The following LRP1B variants were observed in gnomAD, a reference collection of about 807,000 sequenced individuals.
LRP1B encodes low-density lipoprotein receptor-related protein 1B.
Under a neutral mutation model 556.6 loss-of-function variants are expected in LRP1B, and 217 were observed. The observed-to-expected ratio is 0.39, with a 90% confidence interval of 0.35 to 0.44. The LOEUF (loss-of-function observed/expected upper bound fraction) is 0.44, where lower values mean the gene tolerates loss of function less well. Ranked by LOEUF, LRP1B falls within the 20% of genes least tolerant of loss-of-function variation. The pLI, the probability that LRP1B is intolerant of heterozygous loss-of-function variation, is 1.00. For synonymous variants in LRP1B, 2,047 were observed against 1,865.8 expected (o/e 1.10, Z -2.50); for missense variants, 5,053 against 5,620.8 (o/e 0.90, Z 3.23).
chr2:141,822,122 C>CAG (rs1427035383), intron 1 of LRP1B, among the ~76,000 whole-genome samples: 49 of 106,338 alleles, frequency 4.6e-4, no homozygotes, highest in Non-Finnish European at 7.3e-4. Context: ...CACACACACA[C>CAG]ACACACACAG....
intron 43 of LRP1B, among the ~76,000 whole-genome samples, chr2:140,554,829 C>T (rs967209257): frequency 1.3e-5 from 2 of 148,660 alleles, no homozygotes; most frequent in East Asian, 4.0e-4. Context: ...TCTTCTGCTG[C>T]TGCTGCTTCT....
At chr2:141,994,000 T>C (rs975748447) in intron 1 of LRP1B, among the ~76,000 whole-genome samples, 17 of 152,180 alleles carry the variant, frequency 1.1e-4, no homozygotes, top group Non-Finnish European at 2.1e-4. Flanking sequence ...GTATCCTTAC[T>C]GCTCTTGACT....
intron 10 of LRP1B, among the ~76,000 whole-genome samples, chr2:141,053,384 CTCT>C (rs1374153566): frequency 6.6e-6 from 1 of 151,930 alleles, no homozygotes; most frequent in African/African-American, 2.4e-5. Flanking sequence ...TCCTCTCCTC[CTCT>C]TCTTTATTTT....
intron 1 of LRP1B, among the ~76,000 whole-genome samples, chr2:141,818,714 T>G (rs1696648994): frequency 6.6e-6 from 1 of 151,184 alleles, no homozygotes. Flanking sequence ...TTTTTTGTAT[T>G]TTTAGTAGAG....
At chr2:141,241,481 TC>T (rs1683876014) in intron 5 of LRP1B, among the ~76,000 whole-genome samples, 2 of 152,030 alleles carry the variant, frequency 1.3e-5, no homozygotes, top group Admixed American at 6.6e-5. Flanking sequence ...ATACAGTGCT[TC>T]TCAAACTACT....
chr2:141,794,275 G>T (rs1695727983), intron 2 of LRP1B, among the ~76,000 whole-genome samples: 1 of 151,866 alleles, frequency 6.6e-6, no homozygotes, highest in Non-Finnish European at 1.5e-5. Flanking sequence ...AAGTAAACAG[G>T]AAATTATTGA....
At chr2:140,817,980 G>A (rs1691186585) in intron 31 of LRP1B, among the ~76,000 whole-genome samples, 1 of 152,170 alleles carries the variant, frequency 6.6e-6, no homozygotes, top group South Asian at 2.1e-4. Flanking sequence ...ATTGGTTTGG[G>A]CTGGTCCTGG....
intron 43 of LRP1B, among the ~76,000 whole-genome samples, chr2:140,583,162 CTTTTTTT>C (rs1220644581): frequency 9.3e-6 from 1 of 107,818 alleles, no homozygotes; most frequent in Non-Finnish European, 1.7e-5. Context: ...ACAGTTTCTC[CTTTTTTT>C]TCTTTTTTTT....
At chr2:140,567,474 TTG>T (rs1274414673) in intron 43 of LRP1B, among the ~76,000 whole-genome samples, 1 of 152,128 alleles carries the variant, frequency 6.6e-6, no homozygotes, top group Non-Finnish European at 1.5e-5. Flanking sequence ...TTGGCCCGTG[TTG>T]TGCCCACAGG....
intron 18 of LRP1B, among the ~76,000 whole-genome samples, chr2:140,975,182 C>T (rs969495086): frequency 4.6e-5 from 7 of 152,040 alleles, no homozygotes; most frequent in African/African-American, 1.7e-4. Context: ...AGATATACAT[C>T]CTGTGGTGAG....
At chr2:142,091,746 T>C (rs1574675111) in intron 1 of LRP1B, among the ~76,000 whole-genome samples, 1 of 152,150 alleles carries the variant, frequency 6.6e-6, no homozygotes, top group East Asian at 1.9e-4. Flanking sequence ...GTATCATAAT[T>C]GGTCTAAGAA....
chr2:141,208,973 T>C (rs1464039155), intron 6 of LRP1B, among the ~76,000 whole-genome samples: 1 of 145,114 alleles, frequency 6.9e-6, no homozygotes, highest in Non-Finnish European at 1.5e-5. Context: ...AAAACAATAT[T>C]ATCAAAATAG....
chr2:141,095,292 G>A (rs1700269538), intron 7 of LRP1B, among the ~76,000 whole-genome samples: 1 of 101,408 alleles, frequency 9.9e-6, no homozygotes, highest in Non-Finnish European at 2.4e-5. Flanking sequence ...TGGAGGAAAA[G>A]CTTTGAGCAG....
At chr2:141,107,400 C>T (rs563480886) in intron 7 of LRP1B, among the ~76,000 whole-genome samples, 3 of 152,104 alleles carry the variant, frequency 2.0e-5, no homozygotes, top group Non-Finnish European at 2.9e-5. Flanking sequence ...GTAATCCCAG[C>T]GCTTTGGGAG....
intron 3 of LRP1B, among the ~76,000 whole-genome samples, chr2:141,371,742 C>T (rs1460218031): frequency 7.9e-5 from 12 of 152,108 alleles, no homozygotes; most frequent in African/African-American, 2.4e-4. Context: ...ACTGTATTCA[C>T]TTATCACATC....
chr2:140,620,416 A>G (rs916583023), intron 41 of LRP1B, among the ~76,000 whole-genome samples: 1 of 152,212 alleles, frequency 6.6e-6, no homozygotes, highest in Non-Finnish European at 1.5e-5. Flanking sequence ...GAAAACTCCC[A>G]GAAGGTCTGT....
chr2:141,420,097 T>C (rs1289423479), intron 3 of LRP1B, among the ~76,000 whole-genome samples: 1 of 152,198 alleles, frequency 6.6e-6, no homozygotes, highest in Non-Finnish European at 1.5e-5. Context: ...TATTCAATAA[T>C]GAAAGTGGGG....
intron 43 of LRP1B, among the ~76,000 whole-genome samples, chr2:140,557,787 CT>C (rs1437568860): frequency 6.6e-6 from 1 of 152,128 alleles, no homozygotes; most frequent in Middle Eastern, 3.2e-3. Flanking sequence ...ATGAAGGAGG[CT>C]TATCTTGAGT....
At chr2:140,422,767 G>T (rs546216104) in intron 66 of LRP1B, among the ~76,000 whole-genome samples, 1 of 152,128 alleles carries the variant, frequency 6.6e-6, no homozygotes, top group African/African-American at 2.4e-5. Flanking sequence ...TGTTTAGATC[G>T]GGGATGATAG....
Sources: allele counts gnomAD v4.1 joint callset (sites outside exome capture counted in the v4.1 genomes callset), GRCh38; gene constraint gnomAD v4.1.1; transcripts MANE v1.5; gene names NCBI Gene and HGNC (gene_info 2026-07-23, HGNC 2026-07-21).